Variants in KCNH7 observed in about 807,000 individuals in gnomAD.
KCNH7 encodes the protein voltage-gated inwardly rectifying potassium channel KCNH7.
In KCNH7, 49 loss-of-function variants were observed where a neutral mutation model predicts 120.8. The observed-to-expected ratio is 0.41, with a 90% CI of 0.32 to 0.51. The LOEUF (loss-of-function observed/expected upper bound fraction) is 0.51. Ranked by LOEUF, KCNH7 falls within the 20% of genes least tolerant of loss-of-function variation. The pLI, the probability that KCNH7 is intolerant of heterozygous loss-of-function variation, is 0.38. For synonymous variants in KCNH7, 547 were observed against 516.1 expected, an observed-to-expected ratio of 1.06 and a Z score of -0.81; for missense variants, 1,097 against 1,446.6, an observed-to-expected ratio of 0.76 and a Z score of 3.92.
intron 2 of KCNH7, among the ~76,000 whole-genome samples, chr2:162,549,596 T>G (rs568104096): frequency 6.6e-6 from 1 of 152,296 alleles, no homozygotes; most frequent in African/African-American, 2.4e-5. Context: ...AGACTTTTTA[T>G]AATCCCTCAA....
chr2:162,479,292 C>G (rs571603541), intron 6 of KCNH7, among the ~76,000 whole-genome samples: 1 of 150,858 alleles, frequency 6.6e-6, no homozygotes, highest in South Asian at 2.1e-4. Context: ...CTAAAGGATA[C>G]CCTTGTGTAT....
intron 6 of KCNH7, among the ~76,000 whole-genome samples, chr2:162,490,693 C>T (rs780534629): frequency 2.4e-4 from 36 of 152,212 alleles, no homozygotes; most frequent in Admixed American, 1.6e-3. Flanking sequence ...AGGACCCCAA[C>T]AACACCCCTG....
intron 2 of KCNH7, among the ~76,000 whole-genome samples, chr2:162,727,189 C>T (rs549840174): frequency 2.8e-4 from 42 of 152,232 alleles, no homozygotes; most frequent in African/African-American, 8.9e-4. Context: ...CTTTTATGCT[C>T]TCTACTATGT....
intron 8 of KCNH7, among the ~76,000 whole-genome samples, chr2:162,430,488 A>G (rs1688027597): frequency 6.6e-6 from 1 of 152,024 alleles, no homozygotes; most frequent in Admixed American, 6.6e-5. Context: ...TAACTCCGTA[A>G]GACTGCTGGG....
At chr2:162,638,235 G>A (rs1283121172) in intron 2 of KCNH7, among the ~76,000 whole-genome samples, 2 of 152,038 alleles carry the variant, frequency 1.3e-5, no homozygotes, top group African/African-American at 4.8e-5. Flanking sequence ...ACAGTCACTG[G>A]AGGCACATAA....
At chr2:162,451,603 A>C (rs190333810) in intron 6 of KCNH7, among the ~76,000 whole-genome samples, 1 of 152,138 alleles carries the variant, frequency 6.6e-6, no homozygotes, top group East Asian at 1.9e-4. Flanking sequence ...AGAGTCCAAG[A>C]AGGCTTCATT....
intron 2 of KCNH7, among the ~76,000 whole-genome samples, chr2:162,676,211 T>C (rs1325620171): frequency 6.6e-6 from 1 of 151,506 alleles, no homozygotes; most frequent in East Asian, 1.9e-4. Flanking sequence ...TGCAGCCAGG[T>C]AGATTTACCT....
Position 162,671,937 on chromosome 2 carries a change from A to G in KCNH7, c.308-134857T>C, listed in dbSNP as rs1406055496. ...TAATTCACTTTAAACAACTATAAAC[A>G]TACATATAGTAATGAGATAGCACAA... is the stretch of plus-strand genomic sequence containing the variant. On this transcript the variant is annotated intron_variant, in intron 2 of 15. Transcript: ENST00000332142. 3.3e-5 allele frequency among the ~76,000 whole-genome samples: 5 copies of G among 152,110 alleles called. No homozygotes were observed. The East Asian group carries it at 9.6e-4, about 29-fold the overall frequency.
chr2:162,642,349 T>C (rs73028571), intron 2 of KCNH7, among the ~76,000 whole-genome samples: 16,705 of 152,252 alleles, frequency 0.11, 1,724 homozygotes, highest in East Asian at 0.3. Flanking sequence ...TTTGCATTTG[T>C]ACATGCTTTT....
chr2:162,815,940 T>C (rs1684903380), intron 2 of KCNH7, among the ~76,000 whole-genome samples: 1 of 152,152 alleles, frequency 6.6e-6, no homozygotes, highest in Non-Finnish European at 1.5e-5. Context: ...AACCTCATCC[T>C]CCAGTTTAAA....
At chr2:162,535,979 A>T (rs1692091146) in intron 3 of KCNH7, among the ~76,000 whole-genome samples, 1 of 151,840 alleles carries the variant, frequency 6.6e-6, no homozygotes, top group Admixed American at 6.6e-5. Flanking sequence ...AAGATAAATT[A>T]ACTGTATACT....
At chr2:162,752,903 A>AAAAAAG (rs1688612139) in intron 2 of KCNH7, among the ~76,000 whole-genome samples, 12 of 32,080 alleles carry the variant, frequency 3.7e-4, no homozygotes, top group South Asian at 3.3e-3. Flanking sequence ...TACATCTCAG[A>AAAAAAG]AAAAGAAAAG....
In KCNH7 at chr2:162,770,158, T is replaced by C. The variant is rs189168981; in HGVS notation, c.307+66379A>G. 2.0e-5 allele frequency among the ~76,000 whole-genome samples: 3 copies of C among 152,148 alleles called. No homozygotes were observed. The East Asian group carries it at 5.8e-4, about 29-fold the overall frequency. ...ATTTGATTACATATTTGCCTGATAA[T>C]TCTCACATCAATCCACTCATCCCTT... On this transcript the variant is annotated intron_variant, in intron 2 of 15. Coordinates refer to ENST00000332142, the MANE Select transcript of KCNH7 (RefSeq NM_033272.4).
At chr2:162,488,944 A>T (rs1048150774) in intron 6 of KCNH7, among the ~76,000 whole-genome samples, 3 of 152,176 alleles carry the variant, frequency 2.0e-5, no homozygotes, top group Non-Finnish European at 2.9e-5. Flanking sequence ...GGCTACCAGG[A>T]TTTCATATAG....
At chr2:162,488,054 G>T (rs62188206) in intron 6 of KCNH7, among the ~76,000 whole-genome samples, 15,218 of 152,246 alleles carry the variant, frequency 0.1, 1,145 homozygotes, top group South Asian at 0.31. Context: ...CAAAGGAGCA[G>T]AGAAACTCTC....
chr2:162,763,778 TTTTG>T (rs1350712824), intron 2 of KCNH7, among the ~76,000 whole-genome samples: 1 of 150,840 alleles, frequency 6.6e-6, no homozygotes, highest in Non-Finnish European at 1.5e-5. Flanking sequence ...TGTGTTTTGC[TTTTG>T]TTTTTTTTTA....
intron 2 of KCNH7, among the ~76,000 whole-genome samples, chr2:162,630,138 T>C (rs1003825621): frequency 6.6e-6 from 1 of 152,028 alleles, no homozygotes; most frequent in African/African-American, 2.4e-5. Context: ...GGTCATCCCA[T>C]AGGCATGAAA....
intron 2 of KCNH7, among the ~76,000 whole-genome samples, chr2:162,582,355 G>C (rs1000862677): frequency 6.6e-6 from 1 of 151,980 alleles, no homozygotes; most frequent in African/African-American, 2.4e-5. Context: ...CTTTTATATG[G>C]AGTGATATTC....
intron 2 of KCNH7, among the ~76,000 whole-genome samples, chr2:162,749,466 C>T (rs2105427863): frequency 6.6e-6 from 1 of 152,140 alleles, no homozygotes; most frequent in East Asian, 1.9e-4. Flanking sequence ...CTAATTTAGG[C>T]TGAAACAACA....
Sources: allele counts gnomAD v4.1 joint callset (sites outside exome capture counted in the v4.1 genomes callset), GRCh38; gene constraint gnomAD v4.1.1; transcripts MANE v1.5; gene names NCBI Gene and HGNC (gene_info 2026-07-23, HGNC 2026-07-21).